The following SMCO4 variants were observed in gnomAD, a reference collection of about 807,000 sequenced individuals.
SMCO4 encodes the protein single-pass membrane and coiled-coil domain-containing protein 4.
SMCO4 carries 4 observed loss-of-function variants against 3.6 expected under a neutral mutation model. The ratio of observed to expected loss-of-function variants is 1.11; its 90% confidence interval spans 0.54 to 2.53. The LOEUF (loss-of-function observed/expected upper bound fraction) is 2.53. SMCO4 is among the 30% of genes most tolerant of loss of function. The pLI is 0.02. For synonymous variants in SMCO4, 36 were observed against 35.3 expected (o/e 1.02, Z -0.07); for missense variants, 70 against 80.8 (o/e 0.87, Z 0.51).
At chr11:93,523,588 G>A (rs1012227691) in intron 1 of SMCO4, among the ~76,000 whole-genome samples, 1 of 152,058 alleles carries the variant, frequency 6.6e-6, no homozygotes, top group Non-Finnish European at 1.5e-5. Flanking sequence ...GAGCCTGGGA[G>A]GCAGAGGTTG....
At chr11:93,507,260 C>A (rs985881974) in intron 1 of SMCO4, among the ~76,000 whole-genome samples, 1 of 151,988 alleles carries the variant, frequency 6.6e-6, no homozygotes, top group Non-Finnish European at 1.5e-5. Context: ...CAAAAATAAG[C>A]GTGATGGTGG....
In SMCO4 at chr11:93,514,398, ATATATATATATATATATATATAT is replaced by A. The variant is rs1565383005; in HGVS notation, c.-153-15073_-153-15051del. Reference sequence around the variant, plus strand: ...GCTATATATATATATATATATATATATATATATATATATATATATATATAAAATTTGGTCTCTTCCAAAGATCA... The same window carrying A: ...GCTATATATATATATATATATATATAAAAATTTGGTCTCTTCCAAAGATCA... On this transcript the variant is annotated intron_variant, in intron 1 of 2. Coordinates refer to ENST00000298966, the MANE Select transcript of SMCO4 (RefSeq NM_020179.3). Among the ~76,000 whole-genome samples, 19 of 89,002 alleles carry A rather than the reference ATATATATATATATATATATATAT, an allele frequency of 2.1e-4. 2 individuals are homozygous for A. Among genetic ancestry groups the A allele is most frequent in the African/African-American group, 8.7e-4 (18 of 20,612 alleles). The allele number at this position is 89,002 out of a possible 152,430, so 58.4% of individuals were successfully genotyped here.
upstream of SMCO4, among the ~76,000 whole-genome samples, chr11:93,547,614 C>T (rs1939382745): frequency 6.6e-6 from 1 of 152,158 alleles, no homozygotes; most frequent in South Asian, 2.1e-4. Flanking sequence ...CCTTCAATAC[C>T]TAGCATGGAG....
intron 1 of SMCO4, among the ~76,000 whole-genome samples, chr11:93,520,080 G>GCCT (rs1949044060): frequency 6.6e-6 from 1 of 152,216 alleles, no homozygotes; most frequent in Non-Finnish European, 1.5e-5. Context: ...AACCCTTGCA[G>GCCT]CCCGGATGGC....
chr11:93,479,703 C>T (rs975411397), intron 2 of SMCO4, among the ~76,000 whole-genome samples: 1 of 152,194 alleles, frequency 6.6e-6, no homozygotes, highest in Non-Finnish European at 1.5e-5. Context: ...TCTCCAGGCA[C>T]GTAGCCCCCT....
intron 2 of SMCO4, among the ~76,000 whole-genome samples, chr11:93,480,754 C>T (rs945978695): frequency 1.3e-5 from 2 of 152,112 alleles, no homozygotes; most frequent in Non-Finnish European, 2.9e-5. Context: ...ACCTAAGTGA[C>T]CGAGGTGGTA....
At chr11:93,539,678 T>C (rs981899339) in intron 1 of SMCO4, among the ~76,000 whole-genome samples, 3 of 152,198 alleles carry the variant, frequency 2.0e-5, no homozygotes, top group African/African-American at 7.2e-5. Flanking sequence ...CAATTTACTA[T>C]GGAAACTCAT....
At chr11:93,496,658 C>T (rs1196639833) in intron 2 of SMCO4, among the ~76,000 whole-genome samples, 2 of 152,132 alleles carry the variant, frequency 1.3e-5, no homozygotes, top group Admixed American at 6.5e-5. Flanking sequence ...CTGAGGAGCA[C>T]CTGGAACCCC....
At chr11:93,496,462 G>A (rs1366166970) in intron 2 of SMCO4, among the ~76,000 whole-genome samples, 1 of 152,214 alleles carries the variant, frequency 6.6e-6, no homozygotes, top group Non-Finnish European at 1.5e-5. Context: ...TAGACCAAGA[G>A]TTAAAATCTG....
intron 2 of SMCO4, among the ~76,000 whole-genome samples, chr11:93,493,144 G>C (rs1290748441): frequency 1.3e-5 from 2 of 152,060 alleles, no homozygotes; most frequent in African/African-American, 4.8e-5. Flanking sequence ...GAATGGTTTC[G>C]GCAATGGCAC....
intron 1 of SMCO4, among the ~76,000 whole-genome samples, chr11:93,509,625 G>C (rs562123884): frequency 9.8e-5 from 15 of 152,302 alleles, no homozygotes; most frequent in Admixed American, 7.2e-4. Flanking sequence ...TACCACGAAA[G>C]ACTACTGCGT....
At chr11:93,510,568 C>T (rs753236860) in intron 1 of SMCO4, among the ~76,000 whole-genome samples, 3 of 152,186 alleles carry the variant, frequency 2.0e-5, no homozygotes, top group Non-Finnish European at 2.9e-5. Flanking sequence ...GGCTTGTATG[C>T]TGTTACCACC....
At chr11:93,527,027 C>T (rs2134627037) in intron 1 of SMCO4, among the ~76,000 whole-genome samples, 1 of 152,324 alleles carries the variant, frequency 6.6e-6, no homozygotes, top group Admixed American at 6.5e-5. Context: ...CACTCTTCAA[C>T]CTTCTCAAGA....
chr11:93,511,606 C>T (rs893716980), intron 1 of SMCO4, among the ~76,000 whole-genome samples: 1 of 152,114 alleles, frequency 6.6e-6, no homozygotes, highest in Non-Finnish European at 1.5e-5. Context: ...TGGTCCCCAT[C>T]GGAGTGGATG....
intron 1 of SMCO4, among the ~76,000 whole-genome samples, chr11:93,517,995 C>T (rs761854933): frequency 7.9e-5 from 12 of 152,214 alleles, no homozygotes; most frequent in Non-Finnish European, 1.3e-4. Context: ...ACATAATTCA[C>T]GGCATTTAGA....
chr11:93,537,159 G>C (rs576188767), intron 1 of SMCO4, among the ~76,000 whole-genome samples: 137 of 152,326 alleles, frequency 9.0e-4, no homozygotes, highest in African/African-American at 3.1e-3. Flanking sequence ...ACGGCAGAGG[G>C]AGGCCTCCAC....
intron 1 of SMCO4, among the ~76,000 whole-genome samples, chr11:93,543,055 G>A (rs551352823): frequency 6.6e-6 from 1 of 151,800 alleles, no homozygotes; most frequent in African/African-American, 2.4e-5. Context: ...AGGCGAGCTC[G>A]AGTCCCTCGG....
At chr11:93,534,669 G>T (rs1485524092) in intron 1 of SMCO4, among the ~76,000 whole-genome samples, 1 of 152,128 alleles carries the variant, frequency 6.6e-6, no homozygotes, top group Non-Finnish European at 1.5e-5. Context: ...TCTCCCAAGG[G>T]TTCCCCCTCC....
At chr11:93,513,894 G>A (rs761811777) in intron 1 of SMCO4, among the ~76,000 whole-genome samples, 55 of 152,272 alleles carry the variant, frequency 3.6e-4, no homozygotes, top group Middle Eastern at 3.4e-3. Flanking sequence ...TGGGGCTCCC[G>A]CCAAATGTCT....
Sources: gnomAD v4.1 joint callset for allele counts (sites outside exome capture counted in the v4.1 genomes callset) on GRCh38, gnomAD v4.1.1 for gene constraint, MANE v1.5 for transcripts, NCBI Gene and HGNC (gene_info 2026-07-23, HGNC 2026-07-21) for gene names.